RTL4: variants seen among roughly 807,000 people sequenced by gnomAD.
The protein encoded by RTL4 is retrotransposon Gag-like protein 4.
In RTL4, 4 loss-of-function variants were observed where a neutral mutation model predicts 5.3. The observed-to-expected ratio is 0.75, with a 90% CI of 0.37 to 1.72. The LOEUF (loss-of-function observed/expected upper bound fraction) is 1.72, where lower values mean the gene tolerates loss of function less well. RTL4 is among the 40% of genes most tolerant of loss of function. The probability of loss-of-function intolerance (pLI) is 0.04; values close to 1 mark genes in which losing one functional copy is unlikely to be tolerated. For missense variants in RTL4, 260 were observed against 227.1 expected (o/e 1.14, Z -0.93); for synonymous variants, 98 against 87.3 (o/e 1.12, Z -0.68).
the RTL4 span, among the ~76,000 whole-genome samples, chrX:112,188,476 G>C: frequency 8.9e-6 from 1 of 111,793 alleles, no homozygotes; most frequent in Non-Finnish European, 1.9e-5. Context: ...TTCTGCATTT[G>C]GACAGCAAAT....
At chrX:112,349,278 T>C in the RTL4 span, among the ~76,000 whole-genome samples, 3 of 111,762 alleles carry the variant, frequency 2.7e-5, no homozygotes, top group East Asian at 8.5e-4. Context: ...TTCTTACCTT[T>C]CTCTGAATCC....
the RTL4 span, among the ~76,000 whole-genome samples, chrX:112,246,756 C>T: frequency 1.8e-5 from 2 of 111,340 alleles, no homozygotes; most frequent in African/African-American, 3.3e-5. Context: ...ATGAGATGAA[C>T]CAGGTACCTC....
the RTL4 span, among the ~76,000 whole-genome samples, chrX:112,084,467 C>CTTCA: frequency 9.1e-6 from 1 of 109,546 alleles, no homozygotes. Context: ...AACTTAAATA[C>CTTCA]TTCAGGAAGT....
At chrX:112,201,105 A>T in the RTL4 span, among the ~76,000 whole-genome samples, 1 of 111,346 alleles carries the variant, frequency 9.0e-6, no homozygotes, top group African/African-American at 3.3e-5. Flanking sequence ...ACAGAAGGAG[A>T]AGCAAGGCAC....
chrX:112,351,124 A>G, the RTL4 span, among the ~76,000 whole-genome samples: 2 of 111,136 alleles, frequency 1.8e-5, no homozygotes, highest in Admixed American at 1.9e-4. Context: ...TTCGTTTTGT[A>G]CCCACTAGTC....
At chrX:112,225,969 C>G in the RTL4 span, among the ~76,000 whole-genome samples, 1 of 111,628 alleles carries the variant, frequency 9.0e-6, no homozygotes, top group African/African-American at 3.3e-5. Context: ...AATAATTCCA[C>G]CATGGCTTAT....
At chrX:112,313,001 G>C in the RTL4 span, among the ~76,000 whole-genome samples, 8 of 111,416 alleles carry the variant, frequency 7.2e-5, no homozygotes, top group Non-Finnish European at 1.5e-4. Context: ...CAGGGAATGT[G>C]TGTGTGCATA....
the RTL4 span, among the ~76,000 whole-genome samples, chrX:112,224,299 C>T: frequency 1.0e-5 from 1 of 100,330 alleles, no homozygotes; most frequent in Admixed American, 1.2e-4. Flanking sequence ...ACAGACCTTC[C>T]AGATACATTT....
At chrX:112,450,648 T>A (rs1464373089), upstream of RTL4, among the ~76,000 whole-genome samples, 2 of 112,054 alleles carry the variant, frequency 1.8e-5, no homozygotes, top group Non-Finnish European at 3.8e-5. Context: ...TTTGGACTAA[T>A]GCTTATAATC....
At chrX:112,097,138 A>G in the RTL4 span, among the ~76,000 whole-genome samples, 4 of 111,908 alleles carry the variant, frequency 3.6e-5, no homozygotes, top group Non-Finnish European at 7.5e-5. Flanking sequence ...TCACATATCC[A>G]TTTGACAAAT....
chrX:112,226,724 C>A, the RTL4 span, among the ~76,000 whole-genome samples: 25,651 of 108,128 alleles, frequency 0.24, 3,044 homozygotes, highest in African/African-American at 0.45. Flanking sequence ...ATGTATTTGG[C>A]CTACACCAGA....
chrX:112,318,646 T>C, the RTL4 span, among the ~76,000 whole-genome samples: 3 of 112,003 alleles, frequency 2.7e-5, no homozygotes, highest in East Asian at 8.4e-4. Context: ...TGAAGCTTCT[T>C]CTTATTCTTT....
At chrX:112,238,815 G>A in the RTL4 span, among the ~76,000 whole-genome samples, 1 of 111,615 alleles carries the variant, frequency 9.0e-6, no homozygotes, top group Non-Finnish European at 1.9e-5. Context: ...ACTGGGAAAT[G>A]GTGGTCTAAA....
the RTL4 span, among the ~76,000 whole-genome samples, chrX:112,433,298 ATTGAATCTAT>A: frequency 9.9e-6 from 1 of 100,819 alleles, no homozygotes; most frequent in African/African-American, 3.7e-5. Context: ...TGGGGATGGC[ATTGAATCTAT>A]AAATTACCTT....
the RTL4 span, among the ~76,000 whole-genome samples, chrX:112,212,467 T>C: frequency 3.5e-5 from 4 of 112,950 alleles, no homozygotes. Flanking sequence ...GCTACTGCTA[T>C]TAGGACAAGG....
the RTL4 span, among the ~76,000 whole-genome samples, chrX:112,169,053 T>TTTCTTTCTTTCTTTC: frequency 1.8e-3 from 67 of 37,226 alleles, no homozygotes; most frequent in Non-Finnish European, 2.8e-3. Flanking sequence ...TCTTTCTTTC[T>TTTCTTTCTTTCTTTC]TTCTTTCTTT....
At chrX:112,120,407 G>C in the RTL4 span, among the ~76,000 whole-genome samples, 1 of 111,211 alleles carries the variant, frequency 9.0e-6, no homozygotes, top group African/African-American at 3.3e-5. Context: ...CTCCCAAGTA[G>C]CTGGGACTAC....
At chrX:112,202,680 C>A in the RTL4 span, among the ~76,000 whole-genome samples, 1 of 109,068 alleles carries the variant, frequency 9.2e-6, no homozygotes, top group African/African-American at 3.3e-5. Context: ...CCTGCCTCAG[C>A]CTCCCAAGTA....
At chrX:112,435,703 G>T in the RTL4 span, among the ~76,000 whole-genome samples, 6 of 111,016 alleles carry the variant, frequency 5.4e-5, no homozygotes, top group South Asian at 1.5e-3. Context: ...GAAAAAGTCC[G>T]AAAAGAGACA....
Sources: gnomAD v4.1 joint callset for allele counts (sites outside exome capture counted in the v4.1 genomes callset) on GRCh38, gnomAD v4.1.1 for gene constraint, MANE v1.5 for transcripts, NCBI Gene and HGNC (gene_info 2026-07-23, HGNC 2026-07-21) for gene names.